Variants in RAP1GDS1 observed in about 807,000 individuals in gnomAD.
The protein encoded by RAP1GDS1 is Rap1 GTPase-GDP dissociation stimulator 1, also known as RAP1, GTP-GDP dissociation stimulator 1.
RAP1GDS1 carries 35 observed loss-of-function variants against 71.1 expected under a neutral mutation model. That is an observed-to-expected ratio of 0.49 (90% CI 0.38 to 0.65). The LOEUF is 0.65. Among genes scored for constraint, RAP1GDS1 ranks in the 30% least tolerant of loss-of-function variants. RAP1GDS1 has a pLI of 0.00. For missense variants in RAP1GDS1, 663 were observed against 706.1 expected (o/e 0.94, Z 0.69); for synonymous variants, 229 against 243.1 (o/e 0.94, Z 0.54).
At chr4:98,431,334 A>G (rs1750379739) in intron 12 of RAP1GDS1, among the ~76,000 whole-genome samples, 1 of 152,224 alleles carries the variant, frequency 6.6e-6, no homozygotes, top group Non-Finnish European at 1.5e-5. Context: ...ACCTCAAATC[A>G]AAGCCTATCT....
At chr4:98,370,435 A>G (rs775755172) in intron 4 of RAP1GDS1, among the ~76,000 whole-genome samples, 3 of 152,052 alleles carry the variant, frequency 2.0e-5, no homozygotes, top group Non-Finnish European at 4.4e-5. Context: ...TATTATGAAC[A>G]TTTTATTCCT....
intron 1 of RAP1GDS1, among the ~76,000 whole-genome samples, chr4:98,266,536 A>G (rs932268859): frequency 6.6e-6 from 1 of 152,162 alleles, no homozygotes; most frequent in Admixed American, 6.5e-5. Flanking sequence ...TTTCATAGCT[A>G]AATAATAAAT....
At chr4:98,441,393 G>A in intron 14 of RAP1GDS1, 3 of 984,986 alleles carry the variant, frequency 3.0e-6, no homozygotes, top group Non-Finnish European at 3.6e-6. Flanking sequence ...ACAGAAATTT[G>A]TTGAAGGATA....
In RAP1GDS1 at chr4:98,438,177, CT is replaced by C. The variant is rs369619838; in HGVS notation, c.1696+1110del. Among the ~76,000 whole-genome samples the C allele has an allele frequency of 3.6e-3, 541 of 152,092 alleles. 3 individuals carry two copies. Among genetic ancestry groups the C allele is most frequent in the African/African-American group, 0.012 (507 of 41,518 alleles). ...TTTTATCATTATATAGTGTACCTCT[CT>C]CTGGTATTTTTCTTTGCTCTCGTCA... On this transcript the variant is annotated intron_variant, in intron 14 of 14. Coordinates refer to ENST00000408927, the MANE Select transcript of RAP1GDS1 (RefSeq NM_001100427.2).
chr4:98,286,064 C>T (rs1289092848), intron 1 of RAP1GDS1, among the ~76,000 whole-genome samples: 1 of 151,108 alleles, frequency 6.6e-6, no homozygotes, highest in Non-Finnish European at 1.5e-5. Context: ...CTCAGGAGGT[C>T]GAGACCAGCC....
chr4:98,387,079 T>C (rs576730452), intron 5 of RAP1GDS1, among the ~76,000 whole-genome samples: 2 of 152,288 alleles, frequency 1.3e-5, no homozygotes, highest in African/African-American at 4.8e-5. Flanking sequence ...TGACTGTAGA[T>C]GGGATTTTTA....
intron 4 of RAP1GDS1, among the ~76,000 whole-genome samples, chr4:98,365,477 G>T (rs1739351635): frequency 6.6e-6 from 1 of 151,614 alleles, no homozygotes; most frequent in Non-Finnish European, 1.5e-5. Flanking sequence ...GCAATAATTG[G>T]CCTGTTGTGG....
At chr4:98,281,538 A>G (rs545104898) in intron 1 of RAP1GDS1, among the ~76,000 whole-genome samples, 10 of 152,136 alleles carry the variant, frequency 6.6e-5, no homozygotes, top group Non-Finnish European at 1.5e-4. Context: ...TAAATATACA[A>G]TCATGTCATC....
chr4:98,280,039 T>C (rs1328655580), intron 1 of RAP1GDS1, among the ~76,000 whole-genome samples: 1 of 152,246 alleles, frequency 6.6e-6, no homozygotes, highest in African/African-American at 2.4e-5. Context: ...TCCCAGTCTT[T>C]GCTATTGTGA....
chr4:98,434,926 T>C (rs1404414037), intron 13 of RAP1GDS1, among the ~76,000 whole-genome samples: 1 of 152,088 alleles, frequency 6.6e-6, no homozygotes, highest in Non-Finnish European at 1.5e-5. Flanking sequence ...CCGGCCCTAA[T>C]ATAGCATTTC....
intron 1 of RAP1GDS1, among the ~76,000 whole-genome samples, chr4:98,284,971 ACT>A (rs1460861243): frequency 1.3e-5 from 2 of 151,942 alleles, no homozygotes; most frequent in Non-Finnish European, 2.9e-5. Flanking sequence ...AGCCTTTGAG[ACT>A]CTGCATCAAG....
intron 4 of RAP1GDS1, among the ~76,000 whole-genome samples, chr4:98,365,245 A>C (rs1279933202): frequency 6.6e-6 from 1 of 152,086 alleles, no homozygotes; most frequent in Non-Finnish European, 1.5e-5. Flanking sequence ...AGACAAATAC[A>C]GGTATGTTCT....
chr4:98,320,737 A>C (rs954363692), intron 2 of RAP1GDS1, among the ~76,000 whole-genome samples: 4 of 151,416 alleles, frequency 2.6e-5, no homozygotes, highest in African/African-American at 4.9e-5. Context: ...AAACTAACAA[A>C]CAGAAAGGAC....
At chr4:98,296,059 A>C (rs562538866) in intron 2 of RAP1GDS1, among the ~76,000 whole-genome samples, 2 of 139,304 alleles carry the variant, frequency 1.4e-5, no homozygotes, top group East Asian at 2.3e-4. Flanking sequence ...ACAACAACAA[A>C]AACACAGAGA....
intron 12 of RAP1GDS1, among the ~76,000 whole-genome samples, chr4:98,429,749 G>T (rs183708994): frequency 8.7e-4 from 132 of 152,220 alleles, no homozygotes; most frequent in Non-Finnish European, 8.7e-4. Flanking sequence ...GGTTGGACAC[G>T]CTTGGTTTAG....
chr4:98,364,154 G>A (rs1739152896), intron 4 of RAP1GDS1, among the ~76,000 whole-genome samples: 1 of 151,928 alleles, frequency 6.6e-6, no homozygotes, highest in Non-Finnish European at 1.5e-5. Context: ...TTTACCTTTG[G>A]GGAATAAATA....
chr4:98,404,271 A>G (rs1745828712), intron 6 of RAP1GDS1, among the ~76,000 whole-genome samples: 1 of 152,126 alleles, frequency 6.6e-6, no homozygotes, highest in African/African-American at 2.4e-5. Context: ...CTTTTTTTAT[A>G]GCTCAAATAT....
chr4:98,316,777 C>T (rs183061471), intron 2 of RAP1GDS1, among the ~76,000 whole-genome samples: 32 of 152,222 alleles, frequency 2.1e-4, no homozygotes, highest in African/African-American at 6.7e-4. Flanking sequence ...AGAAGTTCTG[C>T]ATGAGAGTAC....
chr4:98,392,265 T>C (rs138081036), intron 6 of RAP1GDS1, 185 bp downstream of exon 6: 2 of 487,806 alleles, frequency 4.1e-6, no homozygotes, highest in Non-Finnish European at 3.4e-6. Flanking sequence ...TTGCATTGTT[T>C]ATGAGAGCGT....
Sources: gnomAD v4.1 joint callset for allele counts (sites outside exome capture counted in the v4.1 genomes callset) on GRCh38, gnomAD v4.1.1 for gene constraint, MANE v1.5 for transcripts, NCBI Gene and HGNC (gene_info 2026-07-23, HGNC 2026-07-21) for gene names.